The following BTRC variants were observed in gnomAD, a reference collection of about 807,000 sequenced individuals.
BTRC encodes beta-transducin repeat containing E3 ubiquitin protein ligase, also known as F-box/WD repeat-containing protein 1A.
In BTRC, 42 loss-of-function variants were observed where a neutral mutation model predicts 85.5. That is an observed-to-expected ratio of 0.49 (90% CI 0.38 to 0.64). The LOEUF is 0.64. Ranked by LOEUF, BTRC falls within the 30% of genes least tolerant of loss-of-function variation. The probability of loss-of-function intolerance (pLI) is 0.00; values close to 1 mark genes in which losing one functional copy is unlikely to be tolerated. For synonymous variants in BTRC, 255 were observed against 263.3 expected (o/e 0.97, Z 0.30); for missense variants, 594 against 743.5 (o/e 0.80, Z 2.34).
intron 4 of BTRC, among the ~76,000 whole-genome samples, chr10:101,486,986 A>T (rs182480811): frequency 6.6e-6 from 1 of 152,348 alleles, no homozygotes; most frequent in African/African-American, 2.4e-5. Flanking sequence ...AGGATTAGTA[A>T]TCAATCTTAT....
chr10:101,452,127 GA>G, intron 2 of BTRC, among the ~76,000 whole-genome samples: 1 of 152,302 alleles, frequency 6.6e-6, no homozygotes, highest in South Asian at 2.1e-4. Context: ...AATGTCTCAA[GA>G]GGGAGAATGA....
chr10:101,373,432 T>A (rs1419611236), intron 1 of BTRC, among the ~76,000 whole-genome samples: 1 of 151,976 alleles, frequency 6.6e-6, no homozygotes, highest in Non-Finnish European at 1.5e-5. Flanking sequence ...ATGAAGAAGG[T>A]TGCTGAGAGT....
At chr10:101,541,881 A>T (rs552913245) in intron 13 of BTRC, among the ~76,000 whole-genome samples, 1 of 151,898 alleles carries the variant, frequency 6.6e-6, no homozygotes, top group Non-Finnish European at 1.5e-5. Context: ...TTTGTAAGGG[A>T]TATTGGTTTG....
chr10:101,503,900 A>G (rs1390644427), intron 4 of BTRC, among the ~76,000 whole-genome samples: 2 of 152,208 alleles, frequency 1.3e-5, no homozygotes, highest in Non-Finnish European at 2.9e-5. Context: ...TTAGAGCACA[A>G]AGAAGAGCAG....
intron 2 of BTRC, among the ~76,000 whole-genome samples, chr10:101,432,691 C>G (rs1296511866): frequency 6.6e-6 from 1 of 152,062 alleles, no homozygotes; most frequent in East Asian, 1.9e-4. Context: ...TCACTGAAAA[C>G]AATTATACTC....
intron 1 of BTRC, among the ~76,000 whole-genome samples, chr10:101,419,341 C>T (rs550235589): frequency 6.6e-6 from 1 of 152,212 alleles, no homozygotes; most frequent in East Asian, 1.9e-4. Context: ...AATCAGGAGT[C>T]TGGGCACAGC....
chr10:101,539,487 T>C (rs956015511), intron 13 of BTRC, among the ~76,000 whole-genome samples: 8 of 152,328 alleles, frequency 5.3e-5, no homozygotes, highest in Non-Finnish European at 1.2e-4. Flanking sequence ...ACCCAGGCTA[T>C]AGTGAAGTGG....
chr10:101,513,675 T>A (rs1165890394), intron 4 of BTRC, among the ~76,000 whole-genome samples: 1 of 152,222 alleles, frequency 6.6e-6, no homozygotes, highest in Admixed American at 6.5e-5. Context: ...TACCAGTTAA[T>A]CTTTTGATGG....
In BTRC at chr10:101,521,816, A is replaced by G. The variant is rs1202470628; in HGVS notation, c.502A>G (p.Ile168Val). ...SQMCHYQHGH[I>V]NSYLKPMLQR... ...AATGTGTCATTACCAACATGGGCACATAAACTCGTATCTTAAACCTATGTT... is the reference window on the plus strand; with the variant it reads ...AATGTGTCATTACCAACATGGGCACGTAAACTCGTATCTTAAACCTATGTT... Residue 168 changes from isoleucine to valine, a missense_variant, in exon 5 of 15, where the codon ATA becomes GTA. Ile to Val is a conservative substitution (Grantham distance 29). Around this residue, in one of 4 missense-constraint regions of BTRC, gnomAD observed 373 missense variants for 503.6 expected, o/e 0.74. Transcript: ENST00000370187. The G allele has an allele frequency of 1.9e-6, 3 of 1,613,966 alleles. No individual in the cohort carries two copies. Among genetic ancestry groups the G allele is most frequent in the Admixed American group, 3.3e-5 (2 of 59,994 alleles).
At chr10:101,439,886 A>G (rs546439844) in intron 2 of BTRC, among the ~76,000 whole-genome samples, 1 of 152,246 alleles carries the variant, frequency 6.6e-6, no homozygotes, top group Non-Finnish European at 1.5e-5. Context: ...ATGCAGTGAC[A>G]TAGTTTGTTA....
At chr10:101,377,490 C>T (rs761371090) in intron 1 of BTRC, among the ~76,000 whole-genome samples, 4 of 152,158 alleles carry the variant, frequency 2.6e-5, no homozygotes, top group African/African-American at 7.2e-5. Flanking sequence ...TTGGCATTCC[C>T]ACAAGCAATG....
chr10:101,366,788 A>G (rs200155776), intron 1 of BTRC, among the ~76,000 whole-genome samples: 2 of 68,854 alleles, frequency 2.9e-5, no homozygotes, highest in African/African-American at 4.6e-5. Context: ...ATATATATAT[A>G]TTTTTACATT....
At chr10:101,417,516 G>A (rs997235040) in intron 1 of BTRC, among the ~76,000 whole-genome samples, 1 of 152,158 alleles carries the variant, frequency 6.6e-6, no homozygotes, top group East Asian at 1.9e-4. Flanking sequence ...TCCAATATTA[G>A]TGATATTAAT....
chr10:101,418,318 A>T (rs1381032276), intron 1 of BTRC, among the ~76,000 whole-genome samples: 1 of 152,074 alleles, frequency 6.6e-6, no homozygotes, highest in Non-Finnish European at 1.5e-5. Flanking sequence ...CAGTGAGCCA[A>T]TATTGTGCCA....
chr10:101,466,822 G>A (rs1945384848), intron 3 of BTRC, among the ~76,000 whole-genome samples: 1 of 152,150 alleles, frequency 6.6e-6, no homozygotes, highest in African/African-American at 2.4e-5. Flanking sequence ...GGAATAAGTA[G>A]CTGTTTTCCT....
At chr10:101,473,465 CTTTTTT>C (rs869163139) in intron 3 of BTRC, among the ~76,000 whole-genome samples, 134 of 96,752 alleles carry the variant, frequency 1.4e-3, no homozygotes, top group African/African-American at 4.4e-3. Flanking sequence ...TCTTTTTTCT[CTTTTTT>C]TTTTTTTTTT....
At chr10:101,369,231 T>C (rs1171286360) in intron 1 of BTRC, among the ~76,000 whole-genome samples, 1 of 152,062 alleles carries the variant, frequency 6.6e-6, no homozygotes, top group East Asian at 1.9e-4. Flanking sequence ...TTTTTTTTTT[T>C]TAAAGAGATG....
At chr10:101,402,649 T>C (rs1237500362) in intron 1 of BTRC, among the ~76,000 whole-genome samples, 1 of 152,216 alleles carries the variant, frequency 6.6e-6, no homozygotes, top group East Asian at 1.9e-4. Context: ...TGTAAGGTAG[T>C]TAGAAATATC....
chr10:101,487,999 T>C (rs1946033876), intron 4 of BTRC, among the ~76,000 whole-genome samples: 1 of 152,238 alleles, frequency 6.6e-6, no homozygotes, highest in South Asian at 2.1e-4. Context: ...ATCTATAGAC[T>C]GTAATTCTAT....
Sources: gnomAD v4.1 joint callset for allele counts (sites outside exome capture counted in the v4.1 genomes callset) on GRCh38, gnomAD v4.1.1 for gene constraint, gnomAD v4.1.1 regional missense constraint, MANE v1.5 for transcripts, NCBI Gene and HGNC (gene_info 2026-07-23, HGNC 2026-07-21) for gene names.